Variants in KISS1R observed in about 807,000 individuals in gnomAD.
KISS1R encodes kiSS-1 receptor.
In KISS1R, 19 loss-of-function variants were observed where a neutral mutation model predicts 22.0. That is an observed-to-expected ratio of 0.86 (90% confidence interval 0.60 to 1.26). KISS1R has a LOEUF of 1.26. Ranked by LOEUF, KISS1R falls within the 50% of genes most tolerant of loss-of-function variation. The pLI is 0.00. For synonymous variants in KISS1R, 302 were observed against 283.9 expected (o/e 1.06, Z -0.64); for missense variants, 653 against 581.9 (o/e 1.12, Z -1.26).
chr19:918,116 C>G (rs1175945665), intron 1 of KISS1R, among the ~76,000 whole-genome samples: 1 of 152,084 alleles, frequency 6.6e-6, no homozygotes, highest in Admixed American at 6.5e-5. Context: ...GCCCCGGTGG[C>G]TCTCTGAGCC....
rs1313022010 is a variant in KISS1R at position 920,917 on chromosome 19, G to A, written c.*169G>A. ...CGTTGTGAAGTTTGCTATTGATATT[G>A]AAATTATGACTTCTGTGTTTCCTGA... On this transcript the variant is annotated 3_prime_UTR_variant, in exon 5 of 5. Transcript: ENST00000234371. 52 of 701,196 alleles carry A rather than the reference G, an allele frequency of 7.4e-5. No individual in the cohort carries two copies. In the East Asian group the frequency reaches 1.8e-3, roughly 24 times the overall value. 43.4% of individuals were successfully genotyped at this position (701,196 alleles called of 1,614,324 possible).
rs2037100015 is a variant in KISS1R at position 919,873 on chromosome 19, G to A, written c.506-1G>A. The A allele has an allele frequency of 2.0e-6, 3 of 1,536,166 alleles. No individual in the cohort carries two copies. The highest frequency in any genetic ancestry group is 2.6e-6 in the Non-Finnish European group (3 of 1,146,168). On this transcript the variant is annotated splice_acceptor_variant, in intron 3 of 4. Transcript: ENST00000234371. LOFTEE classifies it high-confidence loss of function. ...GGTCTTCATCCTGGCTTGTGGCACA[G>A]GCTCTGCGGCGGTGTCTGCGCCGGT...
In KISS1R at chr19:920,755, C is replaced by A; in HGVS notation, c.*7C>A. On this transcript the variant is annotated 3_prime_UTR_variant, in exon 5 of 5. Transcript: ENST00000234371. ...GGACAACGCCCCTCTCTGAGCGGACCCGGTGGGAATCCGAGCGGCTCCCTC... is the reference window on the plus strand; with the variant it reads ...GGACAACGCCCCTCTCTGAGCGGACACGGTGGGAATCCGAGCGGCTCCCTC... 2 of 1,276,182 alleles carry A rather than the reference C, an allele frequency of 1.6e-6. No homozygotes were observed. Among genetic ancestry groups the A allele is most frequent in the African/African-American group, 1.5e-5 (1 of 65,892 alleles). 79.1% of individuals were successfully genotyped at this position (1,276,182 alleles called of 1,614,324 possible).
chr19:920,533 T>G lies in KISS1R; in HGVS notation c.982T>G (p.Ser328Ala). 1 of 1,597,446 alleles carries G rather than the reference T, an allele frequency of 6.3e-7. No individual in the cohort carries two copies. The highest frequency in any genetic ancestry group is 1.1e-5 in the South Asian group (1 of 89,030). Residue 328 changes from serine to alanine, a missense_variant, in exon 5 of 5, where the codon TCG becomes GCG. Coordinates refer to ENST00000234371, the MANE Select transcript of KISS1R (RefSeq NM_032551.5). ...CCCGCTGCTCTACGCCTTCCTGGGC[T>G]CGCACTTCCGACAGGCCTTCCGCCG... ...LNPLLYAFLG[S>A]HFRQAFRRVC...
chr19:919,700 G>A, intron 3 of KISS1R, 75 bp downstream of exon 3: 1 of 1,531,296 alleles, frequency 6.5e-7, no homozygotes, highest in East Asian at 2.4e-5. Context: ...GCCACCTGCC[G>A]CCTCGGTCCA....
Position 920,669 on chromosome 19 carries a change from C to A in KISS1R, c.1118C>A (p.Ala373Asp). 1 of 1,316,176 alleles carries A rather than the reference C, an allele frequency of 7.6e-7. No homozygotes were observed. Among genetic ancestry groups the A allele is most frequent in the South Asian group, 2.5e-5 (1 of 40,306 alleles). 81.5% of individuals were successfully genotyped at this position (1,316,176 alleles called of 1,614,324 possible). Residue 373 changes from alanine (A) to aspartate (D), a missense_variant, in exon 5 of 5, where the codon GCC (alanine) becomes GAC (aspartate). Coordinates refer to ENST00000234371, the MANE Select transcript of KISS1R (RefSeq NM_032551.5). Reference sequence around the variant, plus strand: ...CGCCTGGGGTCCCACCCGGCCCCCGCCAGGGCGCAGAAGCCAGGGAGCAGT... The same window carrying A: ...CGCCTGGGGTCCCACCCGGCCCCCGACAGGGCGCAGAAGCCAGGGAGCAGT... The part of the protein sequence containing the change: ...LLRLGSHPAP[A>D]RAQKPGSSGL...
chr19:919,507 G>T lies in KISS1R; in HGVS notation c.387G>T (p.Thr129=). 1 of 1,555,892 alleles carries T rather than the reference G, an allele frequency of 6.4e-7. No individual in the cohort carries two copies. ...TCCCGCAGGTCTCGGTGCAGGCCAC[G>T]TGTGCCACTCTGACCGCCATGAGTG... is the stretch of plus-strand genomic sequence containing the variant. The part of the protein sequence containing the change: ...NYIQQVSVQA[T]CATLTAMSVD... The change falls in exon 3 of 5, where the codon ACG becomes ACT. Residue 129 remains threonine, a synonymous_variant. Coordinates refer to ENST00000234371, the MANE Select transcript of KISS1R (RefSeq NM_032551.5).
intron 2 of KISS1R, 116 bp from the exon 3 acceptor site, chr19:919,374 C>T: frequency 2.1e-6 from 3 of 1,423,080 alleles, no homozygotes; most frequent in Admixed American, 2.0e-5. Flanking sequence ...CCTCCCAGGA[C>T]ACTTCCCGTG....
Position 920,611 on chromosome 19 carries a change from T to TCGGACCCC in KISS1R, c.1061_1068dup (p.Ala357ArgfsTer71), listed in dbSNP as rs2037112716. On this transcript the variant is annotated frameshift_variant, in exon 5 of 5. Transcript: ENST00000234371. LOFTEE classifies it low-confidence loss of function (END_TRUNC). ...CCGCCGCCCCCGCCGGCCCGGACCCTCGGACCCCGCAGCCCCACACGCGGA... is the reference window on the plus strand; with the variant it reads ...CCGCCGCCCCCGCCGGCCCGGACCCTCGGACCCCCGGACCCCGCAGCCCCACACGCGGA... 7.2e-7 allele frequency: 1 copy of TCGGACCCC among 1,394,282 alleles called. No homozygotes were observed. The highest frequency in any genetic ancestry group is 9.2e-7 in the Non-Finnish European group (1 of 1,084,450). The allele number at this position is 1,394,282 out of a possible 1,614,324, so 86.4% of individuals were successfully genotyped here. A position where few individuals can be genotyped will look rare whatever the true frequency, so the allele number is the denominator to read the frequency against.
Position 917,667 on chromosome 19 carries a change from G to C in KISS1R, c.165G>C (p.Leu55=). 1 of 1,595,070 alleles carries C rather than the reference G, an allele frequency of 6.3e-7. No homozygotes were observed. The highest frequency in any genetic ancestry group is 1.3e-5 in the African/African-American group (1 of 74,616). The change falls in exon 1 of 5, where the codon CTG becomes CTC. Residue 55 remains leucine (L), a synonymous_variant. Coordinates refer to ENST00000234371, the MANE Select transcript of KISS1R (RefSeq NM_032551.5). ...VPLFFAALML[L]GLVGNSLVIY... ...TCTTCTTCGCGGCGCTGATGCTGCT[G>C]GGCCTGGTGGGGAACTCGCTGGTCA...
In KISS1R at chr19:919,905, C is replaced by T; in HGVS notation, c.537C>T (p.Ala179=). 1.3e-6 allele frequency: 2 copies of T among 1,546,648 alleles called. No homozygotes were observed. The highest frequency in any genetic ancestry group is 2.4e-5 in the East Asian group (1 of 41,134). Residue 179 remains alanine (A), a synonymous_variant, in exon 4 of 5, where the codon GCC becomes GCT. Coordinates refer to ENST00000234371, the MANE Select transcript of KISS1R (RefSeq NM_032551.5). ...CGGCGGTGTCTGCGCCGGTGCTCGC[C>T]CTGCACCGCCTGTCACCCGGGCCGC... ...GSAAVSAPVL[A]LHRLSPGPRA...
At position 920,975 on chromosome 19, in the gene KISS1R, A is replaced by T; in HGVS notation, c.*227A>T. 2.5e-6 allele frequency: 1 copy of T among 392,246 alleles called. No homozygotes were observed. The highest frequency in any genetic ancestry group is 4.3e-6 in the Non-Finnish European group (1 of 232,934). The allele number at this position is 392,246 out of a possible 1,614,324, so 24.3% of individuals were successfully genotyped here. A position where few individuals can be genotyped will look rare whatever the true frequency, so the allele number is the denominator to read the frequency against. On this transcript the variant is annotated 3_prime_UTR_variant, in exon 5 of 5. Coordinates refer to ENST00000234371, the MANE Select transcript of KISS1R (RefSeq NM_032551.5). ...CATGTGTCAACACAGGACTTTCTGG[A>T]TCATTCCAGAAAGTGTCAGACGTTT... is the stretch of plus-strand genomic sequence containing the variant.
chr19:920,746 TGAGCGGACCCGGTGGGAATCC>T lies in KISS1R; in HGVS notation c.*5_*25del, dbSNP rs1204423854. The T allele has an allele frequency of 7.8e-7, 1 of 1,284,240 alleles. No individual in the cohort carries two copies. Among genetic ancestry groups the T allele is most frequent in the Non-Finnish European group, 9.8e-7 (1 of 1,017,316 alleles). 79.6% of individuals were successfully genotyped at this position (1,284,240 alleles called of 1,614,324 possible). A position where few individuals can be genotyped will look rare whatever the true frequency, so the allele number is the denominator to read the frequency against. On this transcript the variant is annotated stop_retained_variant and 3_prime_UTR_variant, in exon 5 of 5. Coordinates refer to ENST00000234371, the MANE Select transcript of KISS1R (RefSeq NM_032551.5). Reference sequence around the variant, plus strand: ...CCTGGGGGAGGACAACGCCCCTCTCTGAGCGGACCCGGTGGGAATCCGAGCGGCTCCCTCGGGAGCGGGGAC... The same window carrying T: ...CCTGGGGGAGGACAACGCCCCTCTCTGAGCGGCTCCCTCGGGAGCGGGGAC...
chr19:920,440 C>A lies in KISS1R; in HGVS notation c.889C>A (p.Arg297Ser). The stretch of plus-strand genomic sequence containing the variant: ...GGGCCCCGCGGGCTCCTGGCACCCA[C>A]GCAGCTACGCCGCCTACGCGCTTAA... ...ALGPAGSWHP[R>S]SYAAYALKTW... The change falls in exon 5 of 5, where the codon CGC becomes AGC. Residue 297 changes from arginine (R) to serine (S), a missense_variant. Arg to Ser is a moderately radical substitution (Grantham distance 110). Transcript: ENST00000234371. 1.2e-6 allele frequency: 2 copies of A among 1,610,180 alleles called. No homozygotes were observed. The highest frequency in any genetic ancestry group is 4.5e-5 in the East Asian group (2 of 44,726).
rs763274362 is a variant in KISS1R at position 917,480 on chromosome 19, G to T, written c.-23G>T. The T allele has an allele frequency of 2.8e-6, 4 of 1,441,778 alleles. No individual in the cohort carries two copies. Among genetic ancestry groups the T allele is most frequent in the African/African-American group, 1.5e-5 (1 of 67,112 alleles). 89.3% of individuals were successfully genotyped at this position (1,441,778 alleles called of 1,614,324 possible). A position where few individuals can be genotyped will look rare whatever the true frequency, so the allele number is the denominator to read the frequency against. On this transcript the variant is annotated 5_prime_UTR_variant, in exon 1 of 5. Coordinates refer to ENST00000234371, the MANE Select transcript of KISS1R (RefSeq NM_032551.5). ...CAGGGCGCAATCCTGGAGGGCGGCC[G>T]GGAGGAGGAGGTGCGCGCGGCCATG...
At chr19:919,390 G>T in intron 2 of KISS1R, 100 bp from the exon 3 acceptor site, 1 of 1,486,122 alleles carries the variant, frequency 6.7e-7, no homozygotes, top group African/African-American at 1.4e-5. Context: ...CCGTGTATGT[G>T]CCTGAGTGTT....
intron 3 of KISS1R, 117 bp from the exon 4 acceptor site, chr19:919,757 A>C (rs1432684738): frequency 6.7e-7 from 1 of 1,497,860 alleles, no homozygotes. Flanking sequence ...AGGGCCAGCG[A>C]GGCTGCAGAC....
Position 919,532 on chromosome 19 carries a change from G to T in KISS1R, c.412G>T (p.Val138Leu). ...GTGTGCCACTCTGACCGCCATGAGT[G>T]TGGACCGCTGGTACGTGACGGTGTT... ...ATCATLTAMS[V>L]DRWYVTVFPL... Residue 138 changes from valine to leucine, a missense_variant, in exon 3 of 5, where the codon GTG becomes TTG. Transcript: ENST00000234371. 1 of 1,563,478 alleles carries T rather than the reference G, an allele frequency of 6.4e-7. No individual in the cohort carries two copies. Among genetic ancestry groups the T allele is most frequent in the Non-Finnish European group, 8.6e-7 (1 of 1,158,966 alleles).
intron 2 of KISS1R, among the ~76,000 whole-genome samples, chr19:919,050 G>T (rs1195223702): frequency 1.3e-5 from 2 of 150,698 alleles, no homozygotes; most frequent in Non-Finnish European, 3.0e-5. Flanking sequence ...TGGGCGGGGC[G>T]CGAGGCAACG....
Sources: gnomAD v4.1 joint callset for allele counts (sites outside exome capture counted in the v4.1 genomes callset) on GRCh38, gnomAD v4.1.1 for gene constraint, MANE v1.5 for transcripts, NCBI Gene and HGNC (gene_info 2026-07-23, HGNC 2026-07-21) for gene names.